SPATA7: variants seen among roughly 807,000 people sequenced by gnomAD.
SPATA7 encodes the protein spermatogenesis-associated protein 7.
SPATA7 carries 43 observed loss-of-function variants against 51.8 expected under a neutral mutation model. The observed-to-expected ratio is 0.83, with a 90% confidence interval of 0.65 to 1.07. SPATA7 has a LOEUF of 1.07. Among genes scored for constraint, SPATA7 ranks in the 50% least tolerant of loss-of-function variants. SPATA7 has a pLI of 0.00. For synonymous variants in SPATA7, 230 were observed against 252.8 expected (o/e 0.91, Z 0.86); for missense variants, 683 against 701.3 (o/e 0.97, Z 0.30).
At chr14:88,427,865 C>G (rs984890711) in intron 7 of SPATA7, 169 bp downstream of exon 7, 1 of 569,556 alleles carries the variant, frequency 1.8e-6, no homozygotes, top group Non-Finnish European at 3.2e-6. Context: ...ATGGTTATAG[C>G]TCTCTCTGAA....
At chr14:88,451,956 GT>G (rs1225777038) in intron 3 of SPATA7, among the ~76,000 whole-genome samples, 1 of 152,130 alleles carries the variant, frequency 6.6e-6, no homozygotes, top group Non-Finnish European at 1.5e-5. Flanking sequence ...TGGATCCACT[GT>G]TGGTGAGCTA....
chr14:88,394,027 G>GA (rs2075815487), intron 3 of SPATA7, among the ~76,000 whole-genome samples: 2 of 152,046 alleles, frequency 1.3e-5, no homozygotes, highest in Middle Eastern at 3.2e-3. Context: ...TACAGCCCAT[G>GA]AACTAAGAAT....
rs1354597652 is a variant in SPATA7 at position 88,385,682 on chromosome 14, C to T, written c.-137C>T. On this transcript the variant is annotated 5_prime_UTR_variant, in exon 1 of 12. Transcript: ENST00000393545. Reference sequence around the variant, plus strand: ...ACTGGACCCAGCCCTTAGCAACGGCCTGGCAACGGTTTCCCTGCTGCTGCA... The same window carrying T: ...ACTGGACCCAGCCCTTAGCAACGGCTTGGCAACGGTTTCCCTGCTGCTGCA... 5 of 847,592 alleles carry T rather than the reference C, an allele frequency of 5.9e-6. No homozygotes were observed. The highest frequency in any genetic ancestry group is 1.4e-5 in the South Asian group (1 of 70,256). The allele number at this position is 847,592 out of a possible 1,614,324, so 52.5% of individuals were successfully genotyped here. A position where few individuals can be genotyped will look rare whatever the true frequency, so the allele number is the denominator to read the frequency against.
chr14:88,410,094 T>C (rs1315927093), intron 4 of SPATA7, among the ~76,000 whole-genome samples: 1 of 152,216 alleles, frequency 6.6e-6, no homozygotes, highest in Non-Finnish European at 1.5e-5. Context: ...GTTCTGTAGA[T>C]GTCTAGTAGG....
Position 88,391,447 on chromosome 14 carries a change from A to G in SPATA7, c.86A>G (p.Lys29Arg). The G allele has an allele frequency of 1.2e-6, 2 of 1,613,640 alleles. No homozygotes were observed. Among genetic ancestry groups the G allele is most frequent in the African/African-American group, 1.3e-5 (1 of 75,028 alleles). ...CTATTTAAAGGACACTTGAGCACCA[A>G]AAGTAATGGTAAGTGAGGTGCTTAA... ...PCLFKGHLSTKSNAFCTDSSS... is the reference protein window; with the variant it reads ...PCLFKGHLSTRSNAFCTDSSS... Residue 29 changes from lysine to arginine, a missense_variant, in exon 2 of 12, where the codon AAA (lysine) becomes AGA (arginine). Physicochemically the swap from Lys to Arg is conservative, Grantham distance 26. Coordinates refer to ENST00000393545, the MANE Select transcript of SPATA7 (RefSeq NM_018418.5).
intron 5 of SPATA7, among the ~76,000 whole-genome samples, chr14:88,418,335 CT>C (rs1055997518): frequency 7.0e-6 from 1 of 141,974 alleles, no homozygotes; most frequent in African/African-American, 3.1e-5. Context: ...CTCTGCCTTA[CT>C]TCTTTGCTAG....
intron 10 of SPATA7, among the ~76,000 whole-genome samples, chr14:88,434,798 C>T (rs1438201095): frequency 1.3e-5 from 2 of 151,834 alleles, no homozygotes; most frequent in East Asian, 3.9e-4. Context: ...GAAAAAATGC[C>T]TAGTAGTGAA....
In SPATA7 at chr14:88,469,905, G is replaced by C. The variant is rs1472451551; in HGVS notation, c.*38G>C. ...TTCAGAGGCTGAGAAAATCACTTAA[G>C]AGAAATAAGTACCTACCTCTTCTGC... is the stretch of plus-strand genomic sequence containing the variant. On this transcript the variant is annotated 3_prime_UTR_variant, in exon 5 of 5. Coordinates refer to the SPATA7 transcript ENST00000556406. This position sits in a 1 kb window ranked among gnomAD's most constrained non-coding sequence, Gnocchi z 4.3. The C allele has an allele frequency of 6.2e-7, 1 of 1,613,742 alleles. No homozygotes were observed. Among genetic ancestry groups the C allele is most frequent in the East Asian group, 2.2e-5 (1 of 44,878 alleles).
chr14:88,419,619 C>T (rs983086733), intron 5 of SPATA7, among the ~76,000 whole-genome samples: 4 of 151,400 alleles, frequency 2.6e-5, no homozygotes, highest in African/African-American at 7.3e-5. Context: ...CTCTGCCTCC[C>T]GGGTTCACGC....
intron 7 of SPATA7, 178 bp downstream of exon 7, chr14:88,427,874 A>G: frequency 1.9e-6 from 1 of 519,670 alleles, no homozygotes. Context: ...GCTCTCTCTG[A>G]ATGGCCAGGT....
At chr14:88,420,472 G>A (rs761498852) in intron 5 of SPATA7, among the ~76,000 whole-genome samples, 33 of 152,178 alleles carry the variant, frequency 2.2e-4, no homozygotes, top group African/African-American at 7.9e-4. Flanking sequence ...TGTGCAGATC[G>A]TTCAGCTTTT....
chr14:88,402,836 A>T (rs887225058), intron 4 of SPATA7, among the ~76,000 whole-genome samples: 2 of 152,114 alleles, frequency 1.3e-5, no homozygotes, highest in Non-Finnish European at 2.9e-5. Context: ...GCTTTTGTAC[A>T]GCAAAGGAAA....
chr14:88,426,186 A>T (rs776333587), intron 5 of SPATA7, 46 bp from the exon 6 acceptor site: 4 of 1,386,224 alleles, frequency 2.9e-6, no homozygotes, highest in East Asian at 4.7e-5. Flanking sequence ...CCCCAATTAC[A>T]TGAATTCGTA....
At position 88,385,717 on chromosome 14, in the gene SPATA7, G is replaced by T; in HGVS notation, c.-102G>T. On this transcript the variant is annotated 5_prime_UTR_variant, in exon 1 of 12. Coordinates refer to ENST00000393545, the MANE Select transcript of SPATA7 (RefSeq NM_018418.5). ...TTTCCCTGCTGCTGCAGCCCCCGTCGGCTCCTCTTTTCCAGTCCTCCACTG... is the reference window on the plus strand; with the variant it reads ...TTTCCCTGCTGCTGCAGCCCCCGTCTGCTCCTCTTTTCCAGTCCTCCACTG... The T allele has an allele frequency of 1.7e-6, 2 of 1,153,746 alleles. No homozygotes were observed. Among genetic ancestry groups the T allele is most frequent in the Non-Finnish European group, 2.6e-6 (2 of 784,228 alleles). The allele number at this position is 1,153,746 out of a possible 1,614,324, so 71.5% of individuals were successfully genotyped here. A position where few individuals can be genotyped will look rare whatever the true frequency, so the allele number is the denominator to read the frequency against.
exon 5 of SPATA7, chr14:88,470,152 T>A: frequency 8.9e-7 from 1 of 1,123,192 alleles, no homozygotes; most frequent in Non-Finnish European, 1.3e-6. Context: ...TTTAAAAAAG[T>A]AAAAAGTAAA....
chr14:88,410,347 C>T (rs558660869), intron 4 of SPATA7, among the ~76,000 whole-genome samples: 2 of 152,002 alleles, frequency 1.3e-5, no homozygotes, highest in African/African-American at 4.8e-5. Context: ...TATGTAATGC[C>T]CTTCTTTGTC....
At position 88,469,096 on chromosome 14, in the gene SPATA7, T is replaced by C; in HGVS notation, c.255-751T>C. 1 of 1,600,564 alleles carries C rather than the reference T, an allele frequency of 6.2e-7. No homozygotes were observed. Among genetic ancestry groups the C allele is most frequent in the Non-Finnish European group, 8.5e-7 (1 of 1,170,142 alleles). On this transcript the variant is annotated intron_variant, in intron 4 of 4. Transcript: ENST00000556406. The surrounding 1 kb of genome is among the most constrained non-coding windows in gnomAD (Gnocchi z 4.3). ...GATATGCTGTGGAAAATCAATGAAATAGAAAAGTACTCAAGGATCAAGGCG... is the reference window on the plus strand; with the variant it reads ...GATATGCTGTGGAAAATCAATGAAACAGAAAAGTACTCAAGGATCAAGGCG...
chr14:88,464,827 A>C (rs1415914212), intron 4 of SPATA7, among the ~76,000 whole-genome samples: 2 of 152,240 alleles, frequency 1.3e-5, no homozygotes, highest in Non-Finnish European at 2.9e-5. Flanking sequence ...GCTGCAGCTA[A>C]TCTCCAGTTT....
At position 88,427,683 on chromosome 14, in the gene SPATA7, T is replaced by A. The variant is rs1181075236; in HGVS notation, c.899T>A (p.Met300Lys). The change falls in exon 7 of 12, where the codon ATG (methionine) becomes AAG (lysine). Residue 300 changes from methionine to lysine, a missense_variant. By Grantham distance (95) the Met-to-Lys change is moderately conservative. Transcript: ENST00000393545. ...ACTAAAAACATGACAGATTCAGAAATGAACATAAAGCAGGTAATAAGTATG... is the reference window on the plus strand; with the variant it reads ...ACTAAAAACATGACAGATTCAGAAAAGAACATAAAGCAGGTAATAAGTATG... The part of the protein sequence containing the change: ...AETKNMTDSE[M>K]NIKQASNCVT... 5 of 1,609,106 alleles carry A rather than the reference T, an allele frequency of 3.1e-6. No individual in the cohort carries two copies. Among genetic ancestry groups the A allele is most frequent in the Admixed American group, 1.7e-5 (1 of 59,886 alleles).
Sources: gnomAD v4.1 joint callset for allele counts (sites outside exome capture counted in the v4.1 genomes callset) on GRCh38, gnomAD v4.1.1 for gene constraint, Gnocchi (gnomAD v3.1) non-coding constraint, MANE v1.5 for transcripts, NCBI Gene and HGNC (gene_info 2026-07-23, HGNC 2026-07-21) for gene names.